Variants in EPS8 observed in about 807,000 individuals in gnomAD.
EPS8 encodes the protein EGFR pathway substrate 8, signaling adaptor.
Under a neutral mutation model 103.8 loss-of-function variants are expected in EPS8, and 42 were observed. That is an observed-to-expected ratio of 0.40 (90% CI 0.32 to 0.52). The LOEUF (loss-of-function observed/expected upper bound fraction) is 0.52, where lower values mean the gene tolerates loss of function less well. EPS8 is among the 20% of genes least tolerant of loss of function. The pLI is 0.40. For missense variants in EPS8, 969 were observed against 1,005.1 expected, an observed-to-expected ratio of 0.96 and a Z score of 0.49; for synonymous variants, 344 against 344.6, an observed-to-expected ratio of 1.00 and a Z score of 0.02.
intron 1 of EPS8, among the ~76,000 whole-genome samples, chr12:15,743,922 A>C (rs1946849837): frequency 6.6e-6 from 1 of 152,222 alleles, no homozygotes; most frequent in South Asian, 2.1e-4. Flanking sequence ...GGATCTAATT[A>C]AACTAAAGAG....
chr12:15,760,684 A>G lies in EPS8; in HGVS notation c.-22+28477T>C, dbSNP rs536462869. Among the ~76,000 whole-genome samples the G allele has an allele frequency of 6.6e-6, 1 of 152,256 alleles. No individual in the cohort carries two copies. The highest frequency in any genetic ancestry group is 1.9e-4 in the East Asian group (1 of 5,188). The stretch of plus-strand genomic sequence containing the variant: ...CAATGTGACACATCCCATCAACAGA[A>G]TGAAGGACAAAAACCATATAATCAT... On this transcript the variant is annotated intron_variant, in intron 1 of 20. Coordinates refer to ENST00000281172, the MANE Select transcript of EPS8 (RefSeq NM_004447.6). This position sits in a 1 kb window ranked among gnomAD's most constrained non-coding sequence, Gnocchi z 4.5.
rs540929266 is a variant in EPS8, at chr12:15,649,423, T to C, written c.1434+1400A>G. Among the ~76,000 whole-genome samples, 8 of 152,340 alleles carry C rather than the reference T, an allele frequency of 5.3e-5. No individual in the cohort carries two copies. In the South Asian group the frequency reaches 8.3e-4, roughly 16 times the overall value. On this transcript the variant is annotated intron_variant, in intron 14 of 20. Coordinates refer to ENST00000281172, the MANE Select transcript of EPS8 (RefSeq NM_004447.6). ...TAGCAACAGCAAGTGTATCATAATTTCATGTTTGATTATATTTTCTTTCCT... is the reference window on the plus strand; with the variant it reads ...TAGCAACAGCAAGTGTATCATAATTCCATGTTTGATTATATTTTCTTTCCT...
At chr12:15,640,617 A>C in intron 17 of EPS8, 86 bp downstream of exon 17, 2 of 1,193,238 alleles carry the variant, frequency 1.7e-6, no homozygotes, top group Non-Finnish European at 2.3e-6. Context: ...CAAAATGATC[A>C]ATACACAAAG....
intron 1 of EPS8, among the ~76,000 whole-genome samples, chr12:15,758,715 T>C (rs1042874734): frequency 2.0e-5 from 3 of 152,184 alleles, no homozygotes; most frequent in African/African-American, 7.2e-5. Flanking sequence ...AATTTGAAAA[T>C]AGACTGTATA....
At chr12:15,773,272 A>G (rs1947173333) in intron 1 of EPS8, among the ~76,000 whole-genome samples, 1 of 152,198 alleles carries the variant, frequency 6.6e-6, no homozygotes, top group Non-Finnish European at 1.5e-5. Flanking sequence ...ATTTTGCAAT[A>G]GAGGCCTGAA....
At chr12:15,691,395 CAAAA>C (rs1946170030) in intron 1 of EPS8, among the ~76,000 whole-genome samples, 1 of 151,626 alleles carries the variant, frequency 6.6e-6, no homozygotes, top group Non-Finnish European at 1.5e-5. Flanking sequence ...AAAAAATTAA[CAAAA>C]AAGAAAGATA....
At chr12:15,782,428 G>A (rs372911581) in intron 1 of EPS8, among the ~76,000 whole-genome samples, 1 of 152,148 alleles carries the variant, frequency 6.6e-6, no homozygotes, top group African/African-American at 2.4e-5. Context: ...CTGGGCCTGG[G>A]TGGTTGAGGC....
intron 3 of EPS8, chr12:15,671,886 C>T (rs1018171821): frequency 3.3e-5 from 5 of 152,044 alleles, no homozygotes; most frequent in African/African-American, 7.2e-5. Context: ...AAACAGAATG[C>T]TATGATGAAA....
intron 1 of EPS8, among the ~76,000 whole-genome samples, chr12:15,786,813 T>G (rs1441745251): frequency 1.3e-5 from 2 of 152,122 alleles, no homozygotes; most frequent in African/African-American, 4.8e-5. Flanking sequence ...ACAAAAATAT[T>G]TTCAATCACT....
intron 17 of EPS8, among the ~76,000 whole-genome samples, chr12:15,632,240 G>C (rs2135732838): frequency 6.6e-6 from 1 of 152,242 alleles, no homozygotes; most frequent in East Asian, 1.9e-4. Context: ...GGGGTGGATG[G>C]TTGTGAGGGT....
intron 3 of EPS8, among the ~76,000 whole-genome samples, chr12:15,674,549 T>C (rs1426415905): frequency 6.6e-6 from 1 of 152,160 alleles, no homozygotes; most frequent in Non-Finnish European, 1.5e-5. Context: ...GCTTGACAAA[T>C]GAGTATCCGA....
chr12:15,739,302 CAGA>C (rs1353176241), intron 1 of EPS8, among the ~76,000 whole-genome samples: 2 of 152,196 alleles, frequency 1.3e-5, no homozygotes, highest in African/African-American at 4.8e-5. Context: ...CATTCCTAAA[CAGA>C]AGGTGTGATG....
chr12:15,687,241 AT>A (rs2135903445), intron 1 of EPS8, among the ~76,000 whole-genome samples: 1 of 152,186 alleles, frequency 6.6e-6, no homozygotes, highest in East Asian at 1.9e-4. Flanking sequence ...GGCACCATGT[AT>A]TTTTCTATGC....
At position 15,725,708 on chromosome 12, in the gene EPS8, C is replaced by A. The variant is rs949294281; in HGVS notation, c.-21-42736G>T. Among the ~76,000 whole-genome samples, 3 of 152,122 alleles carry A rather than the reference C, an allele frequency of 2.0e-5. No individual in the cohort carries two copies. Among genetic ancestry groups the A allele is most frequent in the African/African-American group, 7.2e-5 (3 of 41,410 alleles). Reference sequence around the variant, plus strand: ...CATTAAAAGAATCCTGACTCATCATCATCAAATAACAGAGAAATGAACAAA... The same window carrying A: ...CATTAAAAGAATCCTGACTCATCATAATCAAATAACAGAGAAATGAACAAA... On this transcript the variant is annotated intron_variant, in intron 1 of 20. Transcript: ENST00000281172. This position sits in a 1 kb window ranked among gnomAD's most constrained non-coding sequence, Gnocchi z 4.5.
rs77967764 is a variant in EPS8, at chr12:15,623,283, C to T, written c.2230G>A (p.Val744Ile). 3,964 of 1,569,038 alleles carry T rather than the reference C, an allele frequency of 2.5e-3. 6 individuals carry two copies. The highest frequency in any genetic ancestry group is 3.0e-3 in the Non-Finnish European group (3,468 of 1,162,442). ...LQSKGFNPVTVNSLGVLNGAQ... is the reference protein window; with the variant it reads ...LQSKGFNPVTINSLGVLNGAQ... Reference sequence around the variant, plus strand: ...CCATTTAATACTCCAAGACTATTGACAGTCCTAAAAAAAAAAAAAGGAAAA... The same window carrying T: ...CCATTTAATACTCCAAGACTATTGATAGTCCTAAAAAAAAAAAAAGGAAAA... The change falls in exon 20 of 21, where the codon GTC becomes ATC. Residue 744 changes from valine to isoleucine, a missense_variant. Transcript: ENST00000281172.
intron 1 of EPS8, among the ~76,000 whole-genome samples, chr12:15,742,743 G>T (rs1946837808): frequency 6.6e-6 from 1 of 152,218 alleles, no homozygotes. Flanking sequence ...AATTAACTAG[G>T]TATTGATTGG....
intron 6 of EPS8, 145 bp downstream of exon 6, chr12:15,669,242 A>T (rs1228332172): frequency 3.2e-6 from 2 of 624,112 alleles, no homozygotes; most frequent in Non-Finnish European, 5.3e-6. Flanking sequence ...CCTAGAGAAG[A>T]TACTAAGGTA....
In EPS8 at chr12:15,688,192, T is replaced by C. The variant is rs1435136481; in HGVS notation, c.-21-5220A>G. 6.6e-6 allele frequency among the ~76,000 whole-genome samples: 1 copy of C among 152,156 alleles called. No homozygotes were observed. The highest frequency in any genetic ancestry group is 1.5e-5 in the Non-Finnish European group (1 of 68,034). ...TAATGAGCCCCCAGTTCATAAGACA[T>C]TTTACAAATATCACCTCACTTTATC... is the stretch of plus-strand genomic sequence containing the variant. On this transcript the variant is annotated intron_variant, in intron 1 of 20. Coordinates refer to ENST00000281172, the MANE Select transcript of EPS8 (RefSeq NM_004447.6). This position sits in a 1 kb window ranked among gnomAD's most constrained non-coding sequence, Gnocchi z 5.1.
At position 15,681,305 on chromosome 12, in the gene EPS8, G is replaced by GTAATAATAATAATAATAA. The variant is rs201331879; in HGVS notation, c.60-21_60-4dup. ...AGGTAGGTGATGATCCGTAGCCACT[G>GTAATAATAATAATAATAA]TAATAATAATAATAATAATAATAAT... On this transcript the variant is annotated splice_polypyrimidine_tract_variant and splice_region_variant and intron_variant, in intron 2 of 20. Coordinates refer to ENST00000281172, the MANE Select transcript of EPS8 (RefSeq NM_004447.6). The GTAATAATAATAATAATAA allele has an allele frequency of 3.2e-5, 35 of 1,083,824 alleles. 1 individual carries two copies. In the African/African-American group the frequency reaches 6.2e-4, roughly 19 times the overall value. 67.1% of individuals were successfully genotyped at this position (1,083,824 alleles called of 1,614,324 possible). A position where few individuals can be genotyped will look rare whatever the true frequency, so the allele number is the denominator to read the frequency against.
Sources: allele counts gnomAD v4.1 joint callset (sites outside exome capture counted in the v4.1 genomes callset), GRCh38; gene constraint gnomAD v4.1.1; non-coding constraint Gnocchi (gnomAD v3.1); transcripts MANE v1.5; gene names NCBI Gene and HGNC (gene_info 2026-07-23, HGNC 2026-07-21).